DSTYK: variants seen among roughly 807,000 people sequenced by gnomAD.
DSTYK encodes dual serine/threonine and tyrosine protein kinase.
A neutral mutation model predicts 98.7 loss-of-function variants in DSTYK; 34 were observed. The observed-to-expected ratio is 0.34, with a 90% CI of 0.26 to 0.46. DSTYK has a LOEUF of 0.46. Among genes scored for constraint, DSTYK ranks in the 20% least tolerant of loss-of-function variants. DSTYK has a pLI of 1.00. For missense variants in DSTYK, 962 were observed against 1,181.7 expected (o/e 0.81, Z 2.73); for synonymous variants, 462 against 457.3 (o/e 1.01, Z -0.13).
chr1:205,197,727 T>C (rs1167039096), intron 1 of DSTYK, among the ~76,000 whole-genome samples: 1 of 152,240 alleles, frequency 6.6e-6, no homozygotes, highest in African/African-American at 2.4e-5. Flanking sequence ...CTTCCTGTGA[T>C]GTTTACTATT....
rs756071050 is a variant in DSTYK, at chr1:205,187,410, A to T, written c.654+8T>A. On this transcript the variant is annotated splice_region_variant and intron_variant, in intron 2 of 12. Transcript: ENST00000367162. The stretch of plus-strand genomic sequence containing the variant: ...TATACAATTGGTATAGAAGTATGAG[A>T]TTGGTACCTGTAAGAGAGCATGGTG... 6.3e-7 allele frequency: 1 copy of T among 1,599,906 alleles called. No individual in the cohort carries two copies. Among genetic ancestry groups the T allele is most frequent in the South Asian group, 1.1e-5 (1 of 89,296 alleles).
intron 1 of DSTYK, among the ~76,000 whole-genome samples, chr1:205,195,211 G>T (rs1658831142): frequency 2.0e-5 from 3 of 151,980 alleles, no homozygotes. Context: ...GAAAAACAAA[G>T]GATTTTTATA....
chr1:205,202,979 C>G (rs762627313), intron 1 of DSTYK, among the ~76,000 whole-genome samples: 11 of 151,762 alleles, frequency 7.2e-5, no homozygotes, highest in Non-Finnish European at 1.0e-4. Context: ...CCTAGTAAAA[C>G]AGAGAACAGA....
In DSTYK at chr1:205,166,174, T is replaced by C. The variant is rs561748227; in HGVS notation, c.1325-2219A>G. On this transcript the variant is annotated intron_variant, in intron 3 of 12. Coordinates refer to ENST00000367162, the MANE Select transcript of DSTYK (RefSeq NM_015375.3). ...AATGCCCTCTAAGATACATATTAAA[T>C]GAAAAAGACAAGTGCAGAAGAACAT... Among the ~76,000 whole-genome samples, 20 of 152,272 alleles carry C rather than the reference T, an allele frequency of 1.3e-4. No individual in the cohort carries two copies. In the South Asian group the frequency reaches 3.9e-3, roughly 30 times the overall value.
At chr1:205,179,482 G>A (rs549289330) in intron 2 of DSTYK, among the ~76,000 whole-genome samples, 23 of 151,858 alleles carry the variant, frequency 1.5e-4, no homozygotes, top group Non-Finnish European at 2.9e-4. Context: ...TTAGCCGGGC[G>A]TGGTGGTGGG....
rs542814916 is a variant in DSTYK, at chr1:205,181,788, C to A, written c.654+5630G>T. Among the ~76,000 whole-genome samples the A allele has an allele frequency of 5.1e-4, 77 of 150,670 alleles. 1 individual carries two copies. Among genetic ancestry groups the A allele is most frequent in the Non-Finnish European group, 5.6e-4 (38 of 67,678 alleles). On this transcript the variant is annotated intron_variant, in intron 2 of 12. Transcript: ENST00000367162. ...CCTCGACCTCCTGGGCTCAAGTGAT[C>A]CTCCTGCCTCTGCCTCCTATGTAGC...
intron 2 of DSTYK, among the ~76,000 whole-genome samples, chr1:205,186,120 CAG>C (rs1481554453): frequency 6.6e-6 from 1 of 152,168 alleles, no homozygotes; most frequent in Non-Finnish European, 1.5e-5. Flanking sequence ...CTGTATACTA[CAG>C]AGAGACTGTG....
chr1:205,196,518 C>T lies in DSTYK; in HGVS notation c.266-8712G>A, dbSNP rs144712238. Reference sequence around the variant, plus strand: ...GCAGTGAGCTATGATCACACTACTGCGCTCCATCCAGCCTGGGTAACAGAG... The same window carrying T: ...GCAGTGAGCTATGATCACACTACTGTGCTCCATCCAGCCTGGGTAACAGAG... On this transcript the variant is annotated intron_variant, in intron 1 of 12. Transcript: ENST00000367162. Among the ~76,000 whole-genome samples, 76 of 152,156 alleles carry T rather than the reference C, an allele frequency of 5.0e-4. 1 individual carries two copies. The East Asian group carries it at 5.4e-3, about 11-fold the overall frequency.
chr1:205,161,529 G>C, intron 6 of DSTYK, 142 bp from the exon 7 acceptor site: 1 of 880,962 alleles, frequency 1.1e-6, no homozygotes, highest in Non-Finnish European at 1.7e-6. Context: ...TTAGCACAGA[G>C]ACTGGCACAG....
Position 205,144,351 on chromosome 1 carries a change from C to T in DSTYK, c.*3207G>A, listed in dbSNP as rs1574738535. On this transcript the variant is annotated 3_prime_UTR_variant, in exon 13 of 13. Transcript: ENST00000367162. ...TCCTCCAGCCACAATCTCACCTCAC[C>T]ACTTGGGAACACATACAACCAAAGC... is the stretch of plus-strand genomic sequence containing the variant. 2 of 152,726 alleles carry T rather than the reference C, an allele frequency of 1.3e-5. No individual in the cohort carries two copies. Among genetic ancestry groups the T allele is most frequent in the Middle Eastern group, 3.4e-3 (1 of 294 alleles). The allele number at this position is 152,726 out of a possible 1,614,324, so 9.5% of individuals were successfully genotyped here. A position where few individuals can be genotyped will look rare whatever the true frequency, so the allele number is the denominator to read the frequency against.
intron 1 of DSTYK, among the ~76,000 whole-genome samples, chr1:205,200,466 G>A (rs1223241598): frequency 3.3e-5 from 5 of 152,272 alleles, no homozygotes; most frequent in Non-Finnish European, 2.9e-5. Flanking sequence ...GAGCCACTGC[G>A]TCCGGCCTCA....
rs117047717 is a variant in DSTYK at position 205,176,824 on chromosome 1, T to C, written c.655-6992A>G. Among the ~76,000 whole-genome samples, 13 of 152,252 alleles carry C rather than the reference T, an allele frequency of 8.5e-5. No individual in the cohort carries two copies. In the East Asian group the frequency reaches 1.9e-3, roughly 23 times the overall value. On this transcript the variant is annotated intron_variant, in intron 2 of 12. Transcript: ENST00000367162. ...CCCTTCCTAAGAATACTGACTCTTA[T>C]AGGTGAAGAATCCTTACTCTGTAGC...
intron 10 of DSTYK, among the ~76,000 whole-genome samples, chr1:205,154,169 C>T (rs1657490650): frequency 3.3e-5 from 5 of 151,820 alleles, no homozygotes; most frequent in Admixed American, 2.6e-4. Flanking sequence ...TTCATTGTAC[C>T]ACTCTTCCAT....
intron 3 of DSTYK, among the ~76,000 whole-genome samples, chr1:205,168,075 C>T (rs575809724): frequency 6.6e-6 from 1 of 152,292 alleles, no homozygotes; most frequent in African/African-American, 2.4e-5. Flanking sequence ...CACTGCACTC[C>T]AGCCTGGGCG....
At chr1:205,181,659 T>G (rs947974560) in intron 2 of DSTYK, among the ~76,000 whole-genome samples, 2 of 70,578 alleles carry the variant, frequency 2.8e-5, no homozygotes, top group Non-Finnish European at 4.8e-5. Flanking sequence ...TTGGGGTTTG[T>G]GTGTGTGTGT....
chr1:205,153,983 G>A (rs1388296791), intron 10 of DSTYK, among the ~76,000 whole-genome samples: 1 of 148,478 alleles, frequency 6.7e-6, no homozygotes, highest in Non-Finnish European at 1.5e-5. Context: ...CAAAGTGCTC[G>A]GATTACAGGC....
intron 6 of DSTYK, among the ~76,000 whole-genome samples, chr1:205,161,661 T>C (rs1657724573): frequency 1.3e-5 from 2 of 152,180 alleles, no homozygotes; most frequent in Admixed American, 1.3e-4. Flanking sequence ...TTATGAAATA[T>C]AGAAGTTGGA....
chr1:205,207,875 AT>A (rs1270617037), intron 1 of DSTYK, among the ~76,000 whole-genome samples: 1 of 145,704 alleles, frequency 6.9e-6, no homozygotes, highest in African/African-American at 2.6e-5. Flanking sequence ...TTATTTATGT[AT>A]TTATTTATTT....
In DSTYK at chr1:205,169,029, G is replaced by C; in HGVS notation, c.1324+134C>G. ...CACCTTGGCTAAATAGTGGGCTCCT[G>C]CTGGTAACAGTGGGGTGGATGAAGT... On this transcript the variant is annotated intron_variant, in intron 3 of 12. Transcript: ENST00000367162. The surrounding 1 kb of genome is among the most constrained non-coding windows in gnomAD (Gnocchi z 4.0). The C allele has an allele frequency of 1.3e-6, 1 of 745,728 alleles. No homozygotes were observed. The highest frequency in any genetic ancestry group is 2.2e-6 in the Non-Finnish European group (1 of 459,034). 46.2% of individuals were successfully genotyped at this position (745,728 alleles called of 1,614,324 possible).
Sources: allele counts gnomAD v4.1 joint callset (sites outside exome capture counted in the v4.1 genomes callset), GRCh38; gene constraint gnomAD v4.1.1; non-coding constraint Gnocchi (gnomAD v3.1); transcripts MANE v1.5; gene names NCBI Gene and HGNC (gene_info 2026-07-23, HGNC 2026-07-21).